ANKFN1: variants seen among roughly 807,000 people sequenced by gnomAD.
ANKFN1 encodes the protein ankyrin repeat and fibronectin type-III domain-containing protein 1.
In ANKFN1, 74 loss-of-function variants were observed where a neutral mutation model predicts 108.7. That is an observed-to-expected ratio of 0.68 (90% CI 0.56 to 0.83). The LOEUF (loss-of-function observed/expected upper bound fraction) is 0.83. Among genes scored for constraint, ANKFN1 ranks in the 40% least tolerant of loss-of-function variants. The pLI, the probability that ANKFN1 is intolerant of heterozygous loss-of-function variation, is 0.00. For synonymous variants in ANKFN1, 547 were observed against 516.2 expected (o/e 1.06, Z -0.81); for missense variants, 1,505 against 1,382.3 (o/e 1.09, Z -1.41).
At chr17:56,379,651 A>G (rs1219756256) in intron 8 of ANKFN1, among the ~76,000 whole-genome samples, 1 of 152,168 alleles carries the variant, frequency 6.6e-6, no homozygotes, top group African/African-American at 2.4e-5. Flanking sequence ...ATCTATGTAA[A>G]TGTGTTTGGC....
intron 1 of ANKFN1, among the ~76,000 whole-genome samples, chr17:56,189,112 C>A (rs2143678090): frequency 6.6e-6 from 1 of 150,964 alleles, no homozygotes; most frequent in African/African-American, 2.4e-5. Context: ...TCTGGCTGTT[C>A]CTGAGTTGTA....
chr17:56,340,762 C>A (rs2045939653), intron 4 of ANKFN1, among the ~76,000 whole-genome samples: 1 of 152,018 alleles, frequency 6.6e-6, no homozygotes, highest in Non-Finnish European at 1.5e-5. Context: ...GTTCTTTTTG[C>A]TTAGGATTGT....
chr17:56,100,478 T>G (rs576849478), intron 4 of ANKFN1, among the ~76,000 whole-genome samples: 3 of 152,336 alleles, frequency 2.0e-5, no homozygotes, highest in Admixed American at 1.3e-4. Flanking sequence ...GATGTTTTAG[T>G]GTAGTCATCA....
At chr17:56,064,608 G>C (rs1256337713) in intron 4 of ANKFN1, among the ~76,000 whole-genome samples, 1 of 152,194 alleles carries the variant, frequency 6.6e-6, no homozygotes. Flanking sequence ...GCACAGCCTG[G>C]AGCTATAGCA....
intron 14 of ANKFN1, among the ~76,000 whole-genome samples, chr17:56,459,599 C>A (rs1027210934): frequency 6.6e-6 from 1 of 152,210 alleles, no homozygotes; most frequent in African/African-American, 2.4e-5. Flanking sequence ...GGCTCAGACT[C>A]CTTAGTGGAT....
At chr17:56,269,960 C>A (rs2043751175) in intron 3 of ANKFN1, among the ~76,000 whole-genome samples, 1 of 152,230 alleles carries the variant, frequency 6.6e-6, no homozygotes. Context: ...GTTTCTGATT[C>A]ATTTACACTT....
intron 1 of ANKFN1, among the ~76,000 whole-genome samples, chr17:56,162,328 C>T (rs982315554): frequency 1.3e-5 from 2 of 152,216 alleles, no homozygotes; most frequent in Admixed American, 1.3e-4. Context: ...TATTGTCTCT[C>T]AGTTCTGGAG....
rs200600712 is a variant in ANKFN1 at position 56,422,963 on chromosome 17, TC to T, written c.911-17361del. Among the ~76,000 whole-genome samples the T allele has an allele frequency of 9.6e-3, 1,459 of 152,312 alleles. 16 individuals are homozygous for T. Among genetic ancestry groups the T allele is most frequent in the Non-Finnish European group, 0.013 (865 of 68,032 alleles). On this transcript the variant is annotated intron_variant, in intron 8 of 20. Transcript: ENST00000682825. ...CTAGGAGGGTGAAAGCAACCATTGGTCCCTGCAGCAGAGTTCTCCAGGGACT... is the reference window on the plus strand; with the variant it reads ...CTAGGAGGGTGAAAGCAACCATTGGTCCTGCAGCAGAGTTCTCCAGGGACT...
At chr17:56,448,960 G>C (rs1330302679) in intron 10 of ANKFN1, 119 bp from the exon 11 acceptor site, 5 of 709,634 alleles carry the variant, frequency 7.0e-6, no homozygotes, top group Non-Finnish European at 1.2e-5. Flanking sequence ...TGCATGTGCG[G>C]GGTGCTCATC....
At chr17:56,100,238 T>C (rs961211100) in intron 4 of ANKFN1, among the ~76,000 whole-genome samples, 2 of 152,210 alleles carry the variant, frequency 1.3e-5, no homozygotes, top group Non-Finnish European at 2.9e-5. Flanking sequence ...GAAGTTGTTA[T>C]ACAAGTAACG....
At chr17:56,053,526 A>G (rs1904814148) in intron 4 of ANKFN1, among the ~76,000 whole-genome samples, 1 of 152,100 alleles carries the variant, frequency 6.6e-6, no homozygotes, top group African/African-American at 2.4e-5. Flanking sequence ...TTGTGTATAT[A>G]TACTACATTT....
At chr17:56,189,179 T>TTTTTTTTTTTGTTTTTTTTTG (rs1244013476) in intron 1 of ANKFN1, among the ~76,000 whole-genome samples, 2 of 111,400 alleles carry the variant, frequency 1.8e-5, no homozygotes, top group Non-Finnish European at 3.3e-5. Flanking sequence ...ACTTTTTTTT[T>TTTTTTTTTTTGTTTTTTTTTG]TTTTTTTTTG....
At chr17:56,106,842 G>A (rs1487054751) in intron 4 of ANKFN1, among the ~76,000 whole-genome samples, 1 of 152,142 alleles carries the variant, frequency 6.6e-6, no homozygotes, top group Non-Finnish European at 1.5e-5. Flanking sequence ...TTATGTTTCT[G>A]TATAACAATG....
intron 4 of ANKFN1, among the ~76,000 whole-genome samples, chr17:56,075,489 T>C (rs1049083380): frequency 3.3e-5 from 5 of 152,092 alleles, no homozygotes; most frequent in Non-Finnish European, 5.9e-5. Flanking sequence ...TTGCACATGC[T>C]CCAGCCCCAA....
At chr17:56,051,523 C>G (rs1233587997) in intron 4 of ANKFN1, among the ~76,000 whole-genome samples, 6 of 139,598 alleles carry the variant, frequency 4.3e-5, no homozygotes, top group Non-Finnish European at 9.3e-5. Context: ...CAGGGATGCC[C>G]TCTCTCACCA....
chr17:56,402,559 G>T (rs1050545481), intron 8 of ANKFN1, among the ~76,000 whole-genome samples: 1 of 152,078 alleles, frequency 6.6e-6, no homozygotes, highest in African/African-American at 2.4e-5. Context: ...TCTTAGTGGG[G>T]TTATTTGGAT....
intron 8 of ANKFN1, among the ~76,000 whole-genome samples, chr17:56,391,368 A>ATGTGTGTG (rs199687714): frequency 7.0e-4 from 90 of 128,738 alleles, no homozygotes; most frequent in Non-Finnish European, 1.1e-3. Context: ...ACATATATAT[A>ATGTGTGTG]TGTGTGTGTG....
At chr17:56,404,038 T>A (rs1479356894) in intron 8 of ANKFN1, among the ~76,000 whole-genome samples, 1 of 152,134 alleles carries the variant, frequency 6.6e-6, no homozygotes, top group African/African-American at 2.4e-5. Flanking sequence ...AATCTTCTGC[T>A]AATCCAAGTT....
intron 2 of ANKFN1, among the ~76,000 whole-genome samples, chr17:56,220,927 G>A (rs1029294145): frequency 6.6e-6 from 1 of 150,626 alleles, no homozygotes; most frequent in Non-Finnish European, 1.5e-5. Flanking sequence ...AGGGAGGAAC[G>A]AACGAACGAA....
Sources: gnomAD v4.1 joint callset for allele counts (sites outside exome capture counted in the v4.1 genomes callset) on GRCh38, gnomAD v4.1.1 for gene constraint, MANE v1.5 for transcripts, NCBI Gene and HGNC (gene_info 2026-07-23, HGNC 2026-07-21) for gene names.